Variants in KLHL2 observed in about 807,000 individuals in gnomAD.
KLHL2 encodes kelch like family member 2, also known as kelch-like protein 2.
In KLHL2, 15 loss-of-function variants were observed where a neutral mutation model predicts 75.8. The observed-to-expected ratio is 0.20, with a 90% CI of 0.13 to 0.30. KLHL2 has a LOEUF of 0.30. KLHL2 is among the 10% of genes least tolerant of loss of function. The probability of loss-of-function intolerance (pLI) is 1.00; values close to 1 mark genes in which losing one functional copy is unlikely to be tolerated. For missense variants in KLHL2, 381 were observed against 741.0 expected, an observed-to-expected ratio of 0.51 and a Z score of 5.64; for synonymous variants, 214 against 251.9, an observed-to-expected ratio of 0.85 and a Z score of 1.42.
At position 165,278,540 on chromosome 4, in the gene KLHL2, G is replaced by T. The variant is rs764042173; in HGVS notation, c.544+15181G>T. The T allele has an allele frequency of 4.3e-6, 7 of 1,609,776 alleles. No homozygotes were observed. The South Asian group carries it at 7.7e-5, about 18-fold the overall frequency. ...TCTTGCGCTGGGCTCCCAATAAGGT[G>T]CATATAACCCCGAAAATGCTGGGAC... On this transcript the variant is annotated intron_variant, in intron 5 of 14. Coordinates refer to ENST00000226725, the MANE Select transcript of KLHL2 (RefSeq NM_007246.4).
At chr4:165,279,031 A>G (rs1248760847) in intron 5 of KLHL2, 3 of 1,505,672 alleles carry the variant, frequency 2.0e-6, no homozygotes, top group Non-Finnish European at 2.8e-6. Context: ...TGAAAAGCAT[A>G]GTCCTACTTG....
At chr4:165,220,522 C>T (rs1206217572) in intron 2 of KLHL2, among the ~76,000 whole-genome samples, 1 of 152,048 alleles carries the variant, frequency 6.6e-6, no homozygotes, top group Non-Finnish European at 1.5e-5. Context: ...GAGTTTGAGA[C>T]CAGCCTGGTC....
chr4:165,271,011 A>G lies in KLHL2; in HGVS notation c.544+7652A>G, dbSNP rs1742649189. 1.3e-5 allele frequency among the ~76,000 whole-genome samples: 2 copies of G among 152,174 alleles called. 1 individual carries two copies. Among genetic ancestry groups the G allele is most frequent in the Admixed American group, 1.3e-4 (2 of 15,276 alleles). ...TTCTGTTCCATTGGTCTACATATCT[A>G]CTTATATGCCAGTGCCATACTGTTC... On this transcript the variant is annotated intron_variant, in intron 5 of 14. Coordinates refer to ENST00000226725, the MANE Select transcript of KLHL2 (RefSeq NM_007246.4).
At chr4:165,311,820 T>C (rs951779766) in intron 11 of KLHL2, among the ~76,000 whole-genome samples, 1 of 125,374 alleles carries the variant, frequency 8.0e-6, no homozygotes, top group Non-Finnish European at 1.7e-5. Context: ...TGTGTGTGTG[T>C]GTGTGTGTGT....
chr4:165,263,454 G>A, intron 5 of KLHL2, 95 bp downstream of exon 5: 1 of 1,520,662 alleles, frequency 6.6e-7, no homozygotes, highest in Non-Finnish European at 8.8e-7. Context: ...TCATATTTCT[G>A]GATCTGGGCT....
chr4:165,276,679 TATAATA>T, intron 5 of KLHL2, among the ~76,000 whole-genome samples: 1 of 152,310 alleles, frequency 6.6e-6, no homozygotes, highest in East Asian at 1.9e-4. Context: ...TTTTTTCAGT[TATAATA>T]AGATACTAAG....
chr4:165,232,320 G>A (rs1488427506), intron 3 of KLHL2, among the ~76,000 whole-genome samples: 19 of 151,716 alleles, frequency 1.3e-4, no homozygotes, highest in African/African-American at 4.6e-4. Flanking sequence ...CCACCTACTC[G>A]GGAGGCTGAG....
intron 4 of KLHL2, among the ~76,000 whole-genome samples, chr4:165,244,053 C>T (rs900930583): frequency 3.6e-5 from 5 of 140,682 alleles, no homozygotes; most frequent in African/African-American, 7.9e-5. Context: ...CTATAATTTC[C>T]AGGCTTTTTT....
intron 7 of KLHL2, among the ~76,000 whole-genome samples, chr4:165,298,180 C>T (rs1289895293): frequency 1.3e-5 from 2 of 152,152 alleles, no homozygotes; most frequent in East Asian, 1.9e-4. Context: ...TTTGGGTAAG[C>T]AAGTACTAGA....
Position 165,284,517 on chromosome 4 carries a change from A to G in KLHL2, c.545-9842A>G, listed in dbSNP as rs114760201. On this transcript the variant is annotated intron_variant, in intron 5 of 14. Transcript: ENST00000226725. Reference sequence around the variant, plus strand: ...AAGTTTCTCATCTCCATATGACACCATCTCGGCGTGGATTTCATTGTCCAT... The same window carrying G: ...AAGTTTCTCATCTCCATATGACACCGTCTCGGCGTGGATTTCATTGTCCAT... Among the ~76,000 whole-genome samples, 1,420 of 152,266 alleles carry G rather than the reference A, an allele frequency of 9.3e-3. 20 individuals are homozygous for G. Among genetic ancestry groups the G allele is most frequent in the African/African-American group, 0.031 (1,268 of 41,544 alleles).
intron 11 of KLHL2, 62 bp from the exon 12 acceptor site, chr4:165,313,176 T>A: frequency 2.6e-6 from 4 of 1,533,042 alleles, no homozygotes; most frequent in Non-Finnish European, 3.6e-6. Flanking sequence ...GCTTGAAAAA[T>A]TAGTGTTTTT....
chr4:165,242,159 A>G (rs1739867282), intron 4 of KLHL2, among the ~76,000 whole-genome samples: 2 of 152,292 alleles, frequency 1.3e-5, no homozygotes, highest in South Asian at 4.1e-4. Flanking sequence ...CTATGACTAC[A>G]CTTGTAATTC....
chr4:165,220,002 T>A lies in KLHL2; in HGVS notation c.95T>A (p.Val32Glu). 6.2e-7 allele frequency: 1 copy of A among 1,613,662 alleles called. No homozygotes were observed. The highest frequency in any genetic ancestry group is 8.5e-7 in the Non-Finnish European group (1 of 1,179,778). The change falls in exon 2 of 15, where the codon GTG becomes GAG. Residue 32 changes from valine (V) to glutamate (E), a missense_variant. Physicochemically the swap from Val to Glu is moderately radical, Grantham distance 121. Transcript: ENST00000226725. The stretch of plus-strand genomic sequence containing the variant: ...GATAATACCGAAAAACACTGCCCAG[T>A]GACAGTGAATCCTTGGCATATGAAG... ...KDDNTEKHCP[V>E]TVNPWHMKKA...
chr4:165,221,962 T>C (rs1738031084), intron 2 of KLHL2, among the ~76,000 whole-genome samples: 1 of 152,204 alleles, frequency 6.6e-6, no homozygotes, highest in Admixed American at 6.5e-5. Context: ...GGATCTTTAA[T>C]GGCTCTTTTT....
chr4:165,279,646 G>A, intron 5 of KLHL2: 3 of 1,611,038 alleles, frequency 1.9e-6, no homozygotes, highest in Non-Finnish European at 1.7e-6. Context: ...AGGCTGCCAT[G>A]AAACCAGCTT....
intron 7 of KLHL2, 72 bp downstream of exon 7, chr4:165,297,797 T>C: frequency 1.1e-6 from 1 of 911,128 alleles, no homozygotes; most frequent in South Asian, 1.3e-5. Flanking sequence ...TAGATCCCTA[T>C]CAAGCAGTGA....
At chr4:165,235,623 C>T (rs1739280610) in intron 3 of KLHL2, among the ~76,000 whole-genome samples, 2 of 152,156 alleles carry the variant, frequency 1.3e-5, no homozygotes. Context: ...ATAAGAAAGG[C>T]TTCATCCCTG....
intron 3 of KLHL2, among the ~76,000 whole-genome samples, chr4:165,235,914 C>T (rs1483248523): frequency 6.6e-6 from 1 of 151,894 alleles, no homozygotes; most frequent in East Asian, 1.9e-4. Context: ...TTAGAAATAG[C>T]GGGAGGAGAG....
intron 1 of KLHL2, among the ~76,000 whole-genome samples, chr4:165,214,774 T>C (rs1048942012): frequency 5.9e-5 from 9 of 152,216 alleles, no homozygotes; most frequent in African/African-American, 2.2e-4. Context: ...CTTTTCTAGA[T>C]GTTTCCTTTT....
Sources: gnomAD v4.1 joint callset for allele counts (sites outside exome capture counted in the v4.1 genomes callset) on GRCh38, gnomAD v4.1.1 for gene constraint, MANE v1.5 for transcripts, NCBI Gene and HGNC (gene_info 2026-07-23, HGNC 2026-07-21) for gene names.